Variants in COL17A1 observed in about 807,000 individuals in gnomAD.
The protein encoded by COL17A1 is collagen type XVII alpha 1 chain, also known as collagen alpha-1(XVII) chain.
A neutral mutation model predicts 218.4 loss-of-function variants in COL17A1; 181 were observed. The ratio of observed to expected loss-of-function variants is 0.83; its 90% confidence interval spans 0.73 to 0.94. COL17A1 has a LOEUF of 0.94. Among genes scored for constraint, COL17A1 ranks in the 40% least tolerant of loss-of-function variants. The pLI, the probability that COL17A1 is intolerant of heterozygous loss-of-function variation, is 0.00. For missense variants in COL17A1, 1,924 were observed against 1,945.9 expected (o/e 0.99, Z 0.21); for synonymous variants, 721 against 731.0 (o/e 0.99, Z 0.22).
rs1229522382 is a variant in COL17A1, at chr10:104,032,789, A to C, written c.4358-35T>G. ...AAAATGGGGCGTAACTAAGTAATAC[A>C]TGAGTCTGGGGACTGAGGGCACAGG... On this transcript the variant is annotated intron_variant, in intron 54 of 55. Coordinates refer to ENST00000648076, the MANE Select transcript of COL17A1 (RefSeq NM_000494.4). 1.9e-6 allele frequency: 3 copies of C among 1,612,338 alleles called. No homozygotes were observed. In the Admixed American group the frequency reaches 5.0e-5, roughly 27 times the overall value.
chr10:104,060,195 C>T lies in COL17A1; in HGVS notation c.1065G>A (p.Lys355=), dbSNP rs2086569946. The T allele has an allele frequency of 6.2e-7, 1 of 1,614,170 alleles. No individual in the cohort carries two copies. The highest frequency in any genetic ancestry group is 2.2e-5 in the East Asian group (1 of 44,882). Residue 355 remains lysine, a synonymous_variant, in exon 14 of 56, where the codon AAG becomes AAA. Transcript: ENST00000648076. ...TCATGATGAGCAGCTCCATCTCCTT[C>T]TTGGCAGGTGTGTTGTCTTTCTCTA... The part of the protein sequence containing the change: ...LILEKDNTPA[K]KEMELLIMTK...
At position 104,036,486 on chromosome 10, in the gene COL17A1, A is replaced by G. The variant is rs1163293090; in HGVS notation, c.3418+6T>C. On this transcript the variant is annotated splice_donor_region_variant and intron_variant, in intron 48 of 55. Coordinates refer to ENST00000648076, the MANE Select transcript of COL17A1 (RefSeq NM_000494.4). ...CTTCCCAACCACCCCTCCTGCAGACACTTACTCGACATGTAGCTGAGAATG... is the reference window on the plus strand; with the variant it reads ...CTTCCCAACCACCCCTCCTGCAGACGCTTACTCGACATGTAGCTGAGAATG... 3 of 1,613,670 alleles carry G rather than the reference A, an allele frequency of 1.9e-6. No homozygotes were observed. Among genetic ancestry groups the G allele is most frequent in the Non-Finnish European group, 2.5e-6 (3 of 1,179,902 alleles).
intron 33 of COL17A1, 145 bp from the exon 34 acceptor site, chr10:104,044,005 G>T: frequency 1.1e-6 from 1 of 880,518 alleles, no homozygotes. Context: ...TGAACTGAAG[G>T]AAGGCAAGCA....
intron 13 of COL17A1, 117 bp from the exon 14 acceptor site, chr10:104,060,397 G>A (rs1333379727): frequency 1.4e-6 from 2 of 1,421,310 alleles, no homozygotes; most frequent in African/African-American, 1.4e-5. Flanking sequence ...AAATTAGCAG[G>A]TGTGTATGAG....
chr10:104,037,167 C>T, intron 46 of COL17A1, 54 bp from the exon 47 acceptor site: 1 of 1,504,382 alleles, frequency 6.6e-7, no homozygotes, highest in Non-Finnish European at 9.1e-7. Context: ...AAGCAACACC[C>T]TCACTATTCC....
chr10:104,077,346 C>T, intron 4 of COL17A1, 76 bp downstream of exon 4: 1 of 1,140,408 alleles, frequency 8.8e-7, no homozygotes, highest in Non-Finnish European at 1.3e-6. Context: ...TGCCCTGTGT[C>T]CTGTGTAGGA....
chr10:104,085,565 A>G (rs891471038), intron 1 of COL17A1, among the ~76,000 whole-genome samples, 158 bp downstream of exon 1: 8 of 152,226 alleles, frequency 5.3e-5, no homozygotes, highest in Admixed American at 2.0e-4. Context: ...TGCATACACC[A>G]AAGTCATCTT....
chr10:104,040,602 G>GTGGA (rs1554847705), intron 39 of COL17A1, among the ~76,000 whole-genome samples, 192 bp from the exon 40 acceptor site: 2 of 142,162 alleles, frequency 1.4e-5, no homozygotes, highest in African/African-American at 5.1e-5. Context: ...GGATGGATAG[G>GTGGA]TGGATGGATG....
intron 35 of COL17A1, 97 bp from the exon 36 acceptor site, chr10:104,042,552 C>A: frequency 8.4e-7 from 1 of 1,195,566 alleles, no homozygotes; most frequent in Admixed American, 1.8e-5. Context: ...GAACAGAGAC[C>A]CAAAGAGGCC....
intron 30 of COL17A1, 36 bp downstream of exon 30, chr10:104,048,033 G>A (rs533292542): frequency 2.2e-5 from 36 of 1,613,698 alleles, no homozygotes; most frequent in Non-Finnish European, 2.5e-5. Context: ...GGGCTGTGAC[G>A]GGAGTGAGGC....
intron 34 of COL17A1, 112 bp downstream of exon 34, chr10:104,043,713 C>T: frequency 6.6e-7 from 1 of 1,521,396 alleles, no homozygotes; most frequent in South Asian, 1.1e-5. Flanking sequence ...TCCTCCCCCG[C>T]TACTGATCCA....
At chr10:104,057,431 C>T (rs1352267318) in intron 16 of COL17A1, among the ~76,000 whole-genome samples, 2 of 11,372 alleles carry the variant, frequency 1.8e-4, no homozygotes. Flanking sequence ...GTTTTTATAA[C>T]ATGGGGTTAA....
chr10:104,050,715 G>T, intron 26 of COL17A1, 59 bp from the exon 27 acceptor site: 1 of 1,614,120 alleles, frequency 6.2e-7, no homozygotes. Flanking sequence ...CCAGGAAGGG[G>T]CAATGTCTGT....
chr10:104,063,486 T>G lies in COL17A1; in HGVS notation c.838+261A>C, dbSNP rs2086600218. The G allele has an allele frequency of 1.1e-5, 6 of 522,934 alleles. No individual in the cohort carries two copies. The South Asian group carries it at 1.2e-4, about 10-fold the overall frequency. The allele number at this position is 522,934 out of a possible 1,614,324, so 32.4% of individuals were successfully genotyped here. The stretch of plus-strand genomic sequence containing the variant: ...CGATGATTCCGTTAGACCCTTCATT[T>G]CCAATCCTCCAACTCTTCCAGAAAA... On this transcript the variant is annotated intron_variant, in intron 11 of 55. Coordinates refer to ENST00000648076, the MANE Select transcript of COL17A1 (RefSeq NM_000494.4).
In COL17A1 at chr10:104,038,769, C is replaced by T. The variant is rs114384959; in HGVS notation, c.2948-241G>A. Among the ~76,000 whole-genome samples the T allele has an allele frequency of 1.5e-3, 228 of 152,288 alleles. 1 individual carries two copies. Among genetic ancestry groups the T allele is most frequent in the African/African-American group, 5.4e-3 (223 of 41,552 alleles). ...AACCGCCCTTTCCTTCTGCAACCTG[C>T]TGAAGGACCCCCAACATCGCATCCC... On this transcript the variant is annotated intron_variant, in intron 44 of 55. Transcript: ENST00000648076.
rs2086460329 is a variant in COL17A1, at chr10:104,050,668, A to G, written c.2093-12T>C. ...TGGTCCTTTGTCACCTAAAAAGGAA[A>G]TGGACACCTTGGTGTAAAATGCCCT... is the stretch of plus-strand genomic sequence containing the variant. On this transcript the variant is annotated splice_polypyrimidine_tract_variant and intron_variant, in intron 26 of 55. Transcript: ENST00000648076. 6.2e-7 allele frequency: 1 copy of G among 1,613,936 alleles called. No homozygotes were observed. The highest frequency in any genetic ancestry group is 8.5e-7 in the Non-Finnish European group (1 of 1,180,034).
rs753516060 is a variant in COL17A1, at chr10:104,038,524, T to G, written c.2952A>C (p.Gly984=). The change falls in exon 45 of 56, where the codon GGA becomes GGC. Residue 984 remains glycine, a synonymous_variant. Transcript: ENST00000648076. ...CTGACACGTACATGGTACTTGATGA[T>G]CCCCCTGCAGCAAAGAGAAAGCGTC... ...LGIPSGPSEG[G]SSSTMYVSGP... 4 of 1,611,764 alleles carry G rather than the reference T, an allele frequency of 2.5e-6. No homozygotes were observed. The highest frequency in any genetic ancestry group is 3.4e-6 in the Non-Finnish European group (4 of 1,179,914).
chr10:104,064,750 T>C (rs2086612967), intron 9 of COL17A1, among the ~76,000 whole-genome samples, 154 bp from the exon 10 acceptor site: 1 of 152,172 alleles, frequency 6.6e-6, no homozygotes, highest in African/African-American at 2.4e-5. Flanking sequence ...TGGGGTAGTT[T>C]CCATCTGAAA....
chr10:104,035,414 GGCCAAGGGACTCT>G, intron 49 of COL17A1, 41 bp from the exon 50 acceptor site: 1 of 1,613,344 alleles, frequency 6.2e-7, no homozygotes, highest in Non-Finnish European at 8.5e-7. Flanking sequence ...TCCTGGCCTG[GGCCAAGGGACTCT>G]GCTTCCTCCC....
Sources: gnomAD v4.1 joint callset for allele counts (sites outside exome capture counted in the v4.1 genomes callset) on GRCh38, gnomAD v4.1.1 for gene constraint, MANE v1.5 for transcripts, NCBI Gene and HGNC (gene_info 2026-07-23, HGNC 2026-07-21) for gene names.